The following SLC66A2 variants were observed in gnomAD, a reference collection of about 807,000 sequenced individuals.
SLC66A2 encodes the protein PQ loop repeat containing 1.
A neutral mutation model predicts 25.5 loss-of-function variants in SLC66A2; 23 were observed. The ratio of observed to expected loss-of-function variants is 0.90; its 90% CI spans 0.65 to 1.28. The LOEUF (loss-of-function observed/expected upper bound fraction) is 1.28. SLC66A2 is among the 50% of genes most tolerant of loss of function. The pLI, the probability that SLC66A2 is intolerant of heterozygous loss-of-function variation, is 0.00. For missense variants in SLC66A2, 396 were observed against 373.1 expected (o/e 1.06, Z -0.51); for synonymous variants, 193 against 166.5 (o/e 1.16, Z -1.23).
chr18:79,915,772 C>CA (rs1444507019), intron 5 of SLC66A2: 1 of 152,294 alleles, frequency 6.6e-6, no homozygotes, highest in African/African-American at 2.4e-5. Context: ...AGGGCAAACT[C>CA]AGAGGTAGAA....
intron 4 of SLC66A2, among the ~76,000 whole-genome samples, chr18:79,921,936 G>T (rs34539466): frequency 1.7e-4 from 15 of 90,376 alleles, no homozygotes; most frequent in African/African-American, 6.6e-4. Context: ...GAGCAAGAGC[G>T]TGAGGGGCAG....
In SLC66A2 at chr18:79,902,730, G is replaced by A. The variant is rs1191263322; in HGVS notation, c.*1246C>T. ...AAGCGGCCCCTCCACCTGCGGAAGG[G>A]AAGACGATGCCTGTTGGAGCCGCAC... On this transcript the variant is annotated 3_prime_UTR_variant, in exon 6 of 6. Coordinates refer to ENST00000397778, the MANE Select transcript of SLC66A2 (RefSeq NM_025078.5). The A allele has an allele frequency of 1.3e-5, 2 of 152,482 alleles. No individual in the cohort carries two copies. The highest frequency in any genetic ancestry group is 4.8e-5 in the African/African-American group (2 of 41,586). 9.4% of individuals were successfully genotyped at this position (152,482 alleles called of 1,614,324 possible).
intron 3 of SLC66A2, among the ~76,000 whole-genome samples, chr18:79,939,578 T>C (rs540291716): frequency 6.6e-6 from 1 of 152,204 alleles, no homozygotes; most frequent in Non-Finnish European, 1.5e-5. Context: ...GCAAAGGACA[T>C]GAACACTTTT....
chr18:79,934,374 G>A (rs1189266599), intron 3 of SLC66A2, among the ~76,000 whole-genome samples: 3 of 152,228 alleles, frequency 2.0e-5, no homozygotes, highest in Non-Finnish European at 4.4e-5. Flanking sequence ...AAAGCAGCCA[G>A]GCAGATCCTG....
At chr18:79,946,896 C>T (rs940748696) in intron 2 of SLC66A2, among the ~76,000 whole-genome samples, 3 of 151,896 alleles carry the variant, frequency 2.0e-5, no homozygotes, top group Admixed American at 6.6e-5. Flanking sequence ...ACCCGGGAGG[C>T]GGTGGGTGCA....
chr18:79,903,704 G>T lies in SLC66A2; in HGVS notation c.*272C>A. The T allele has an allele frequency of 2.0e-6, 1 of 495,074 alleles. No homozygotes were observed. The allele number at this position is 495,074 out of a possible 1,614,324, so 30.7% of individuals were successfully genotyped here. On this transcript the variant is annotated 3_prime_UTR_variant, in exon 6 of 6. Transcript: ENST00000397778. ...CAGACGGTGTTTCATAAGAGGAAAT[G>T]GGGAAAACACTTGCTTTTTATGTCA...
chr18:79,943,264 T>C, intron 3 of SLC66A2, 65 bp downstream of exon 3: 1 of 1,573,858 alleles, frequency 6.4e-7, no homozygotes, highest in South Asian at 1.2e-5. Context: ...GAGTGGCTTT[T>C]GTTTCACCAG....
intron 4 of SLC66A2, 44 bp downstream of exon 4, chr18:79,933,925 G>A (rs751280993): frequency 6.4e-7 from 1 of 1,564,038 alleles, no homozygotes. Flanking sequence ...CAGGAATGAA[G>A]CAAAAGGAAC....
At chr18:79,946,633 G>C (rs994752041) in intron 2 of SLC66A2, among the ~76,000 whole-genome samples, 5 of 152,138 alleles carry the variant, frequency 3.3e-5, no homozygotes, top group African/African-American at 1.2e-4. Context: ...AACTGACCAG[G>C]CCCACAGAAA....
rs984548278 is a variant in SLC66A2, at chr18:79,940,272, C to T, written c.337+3057G>A. On this transcript the variant is annotated intron_variant, in intron 3 of 5. Coordinates refer to ENST00000397778, the MANE Select transcript of SLC66A2 (RefSeq NM_025078.5). The surrounding 1 kb of genome is among the most constrained non-coding windows in gnomAD (Gnocchi z 4.1). ...GGAGGGAGAGGACCGGGAAAAATAA[C>T]CAGTGGGTACTAGGCTTAATACCTG... Among the ~76,000 whole-genome samples, 2 of 152,070 alleles carry T rather than the reference C, an allele frequency of 1.3e-5. No individual in the cohort carries two copies. The highest frequency in any genetic ancestry group is 4.8e-5 in the African/African-American group (2 of 41,408).
rs542349851 is a variant in SLC66A2, at chr18:79,903,925, G to A, written c.*51C>T. 5 of 1,528,926 alleles carry A rather than the reference G, an allele frequency of 3.3e-6. No homozygotes were observed. The East Asian group carries it at 1.2e-4, about 37-fold the overall frequency. 94.7% of individuals were successfully genotyped at this position (1,528,926 alleles called of 1,614,324 possible). A position where few individuals can be genotyped will look rare whatever the true frequency, so the allele number is the denominator to read the frequency against. On this transcript the variant is annotated 3_prime_UTR_variant, in exon 6 of 6. Coordinates refer to ENST00000397778, the MANE Select transcript of SLC66A2 (RefSeq NM_025078.5). The stretch of plus-strand genomic sequence containing the variant: ...CCCACCCTCCCCGCGGGGAGGTCAG[G>A]GCCCACCAGTGCCCGCGGCTGGCGG...
At chr18:79,911,565 A>G (rs1983120933) in intron 5 of SLC66A2, among the ~76,000 whole-genome samples, 1 of 152,230 alleles carries the variant, frequency 6.6e-6, no homozygotes, top group African/African-American at 2.4e-5. Flanking sequence ...GCTCTGCAGC[A>G]TGGCAGCTGC....
intron 4 of SLC66A2, among the ~76,000 whole-genome samples, chr18:79,923,049 G>C (rs1354260196): frequency 6.6e-6 from 1 of 151,698 alleles, no homozygotes; most frequent in Non-Finnish European, 1.5e-5. Flanking sequence ...CTCGGCATCC[G>C]AGCTGGAAAG....
In SLC66A2 at chr18:79,905,616, G is replaced by A. The variant is rs570520063; in HGVS notation, c.609-1433C>T. Among the ~76,000 whole-genome samples the A allele has an allele frequency of 5.3e-5, 8 of 152,344 alleles. No homozygotes were observed. The East Asian group carries it at 7.7e-4, about 15-fold the overall frequency. On this transcript the variant is annotated intron_variant, in intron 5 of 5. Coordinates refer to ENST00000397778, the MANE Select transcript of SLC66A2 (RefSeq NM_025078.5). ...AGCATTGCGCGGTGACCCCGCCACC[G>A]GTCACCTTCGCCCCACGCAGCTTCC...
chr18:79,932,444 C>G (rs1397976027), intron 4 of SLC66A2, among the ~76,000 whole-genome samples: 2 of 151,648 alleles, frequency 1.3e-5, no homozygotes, highest in African/African-American at 2.4e-5. Flanking sequence ...AATTGGTTCT[C>G]TGATAGGCAA....
chr18:79,936,119 C>G (rs1282033297), intron 3 of SLC66A2, among the ~76,000 whole-genome samples: 1 of 152,212 alleles, frequency 6.6e-6, no homozygotes, highest in East Asian at 1.9e-4. Flanking sequence ...GACTGGAGAC[C>G]ACTGCTGTTG....
intron 5 of SLC66A2, among the ~76,000 whole-genome samples, chr18:79,905,005 C>T (rs1981869335): frequency 6.6e-6 from 1 of 152,194 alleles, no homozygotes; most frequent in African/African-American, 2.4e-5. Context: ...GGGTGGGCAC[C>T]TGGGTGCCGT....
At chr18:79,910,932 C>T (rs1476329640) in intron 5 of SLC66A2, among the ~76,000 whole-genome samples, 1 of 152,232 alleles carries the variant, frequency 6.6e-6, no homozygotes, top group Non-Finnish European at 1.5e-5. Flanking sequence ...CTTTTAGCTC[C>T]CACTGTAAAA....
Position 79,941,634 on chromosome 18 carries a change from C to T in SLC66A2, c.337+1695G>A, listed in dbSNP as rs551252674. The T allele has an allele frequency of 6.6e-6, 1 of 152,260 alleles. No homozygotes were observed. The highest frequency in any genetic ancestry group is 1.5e-5 in the Non-Finnish European group (1 of 68,060). 9.4% of individuals were successfully genotyped at this position (152,260 alleles called of 1,614,324 possible). ...CCTCTGAGACAAGCCTGAACCTGCA[C>T]CTGCTGGTAAAATGAATGCAGGTGG... On this transcript the variant is annotated intron_variant, in intron 3 of 5. Coordinates refer to ENST00000397778, the MANE Select transcript of SLC66A2 (RefSeq NM_025078.5). This position sits in a 1 kb window ranked among gnomAD's most constrained non-coding sequence, Gnocchi z 4.1.
Sources: gnomAD v4.1 joint callset for allele counts (sites outside exome capture counted in the v4.1 genomes callset) on GRCh38, gnomAD v4.1.1 for gene constraint, Gnocchi (gnomAD v3.1) non-coding constraint, MANE v1.5 for transcripts, NCBI Gene and HGNC (gene_info 2026-07-23, HGNC 2026-07-21) for gene names.